Variants in SPOCK1 observed in about 807,000 individuals in gnomAD.
The protein encoded by SPOCK1 is testican-1.
SPOCK1 carries 23 observed loss-of-function variants against 55.3 expected under a neutral mutation model. The ratio of observed to expected loss-of-function variants is 0.42; its 90% CI spans 0.30 to 0.59. The LOEUF (loss-of-function observed/expected upper bound fraction) is 0.59. Among genes scored for constraint, SPOCK1 ranks in the 20% least tolerant of loss-of-function variants. SPOCK1 has a pLI of 0.22. For synonymous variants in SPOCK1, 226 were observed against 221.0 expected (o/e 1.02, Z -0.20); for missense variants, 499 against 552.5 (o/e 0.90, Z 0.97).
At chr5:137,362,739 G>C (rs11738259) in intron 2 of SPOCK1, among the ~76,000 whole-genome samples, 19,423 of 152,220 alleles carry the variant, frequency 0.13, 1,560 homozygotes, top group East Asian at 0.27. Context: ...GATAATACAT[G>C]AAAGAATGAG....
At chr5:137,135,113 G>A (rs1053686470) in intron 4 of SPOCK1, among the ~76,000 whole-genome samples, 4 of 152,186 alleles carry the variant, frequency 2.6e-5, no homozygotes, top group Non-Finnish European at 4.4e-5. Context: ...CAGAGGCTTC[G>A]AAGGGTACAC....
intron 2 of SPOCK1, among the ~76,000 whole-genome samples, chr5:137,386,309 G>C (rs1033474927): frequency 2.0e-5 from 3 of 152,178 alleles, no homozygotes; most frequent in Non-Finnish European, 4.4e-5. Flanking sequence ...ACTTGATCTG[G>C]AGATTTAATG....
At chr5:137,469,621 G>T (rs934290353) in intron 2 of SPOCK1, among the ~76,000 whole-genome samples, 1 of 152,068 alleles carries the variant, frequency 6.6e-6, no homozygotes, top group African/African-American at 2.4e-5. Flanking sequence ...ATATCTAAAG[G>T]GAGTATATTA....
Position 137,070,049 on chromosome 5 carries a change from T to C in SPOCK1, c.475-2220A>G, listed in dbSNP as rs939671664. Among the ~76,000 whole-genome samples, 7 of 152,160 alleles carry C rather than the reference T, an allele frequency of 4.6e-5. 1 individual carries two copies. The highest frequency in any genetic ancestry group is 1.0e-4 in the Non-Finnish European group (7 of 68,028). On this transcript the variant is annotated intron_variant, in intron 5 of 10. Transcript: ENST00000394945. ...GGAGGGTCAACTTTCCCACCAGGTCTAGCCACATGCTCACTCCAACCAGTG... is the reference window on the plus strand; with the variant it reads ...GGAGGGTCAACTTTCCCACCAGGTCCAGCCACATGCTCACTCCAACCAGTG...
intron 2 of SPOCK1, among the ~76,000 whole-genome samples, chr5:137,420,632 C>T (rs1330418329): frequency 1.3e-5 from 2 of 152,178 alleles, no homozygotes; most frequent in African/African-American, 4.8e-5. Context: ...TCTGTGGGAT[C>T]AGTCGTGATA....
intron 5 of SPOCK1, among the ~76,000 whole-genome samples, chr5:137,082,101 C>CT (rs1752885844): frequency 6.6e-6 from 1 of 152,234 alleles, no homozygotes; most frequent in Non-Finnish European, 1.5e-5. Flanking sequence ...GCTCCCACCA[C>CT]TTGCTCCATG....
chr5:137,252,262 C>T (rs930092398), intron 3 of SPOCK1, among the ~76,000 whole-genome samples: 2 of 152,154 alleles, frequency 1.3e-5, no homozygotes, highest in Non-Finnish European at 2.9e-5. Flanking sequence ...CCCATCTCCC[C>T]CCATGCTATC....
At position 136,988,638 on chromosome 5, in the gene SPOCK1, C is replaced by T. The variant is rs761353361; in HGVS notation, c.712G>A (p.Asp238Asn). ...TSSNTAQGRF[D>N]TSILPICKDS... Reference sequence around the variant, plus strand: ...TTGCAGATGGGCAGGATGCTAGTGTCAAACCCTGCCAAACAAAAGGCATAT... The same window carrying T: ...TTGCAGATGGGCAGGATGCTAGTGTTAAACCCTGCCAAACAAAAGGCATAT... The change falls in exon 8 of 11, where the codon GAC becomes AAC. Residue 238 changes from aspartate to asparagine, a missense_variant. By Grantham distance (23) the Asp-to-Asn change is conservative. Around this residue, in one of 3 missense-constraint regions of SPOCK1, gnomAD observed 386 missense variants for 400.6 expected, o/e 0.96. Transcript: ENST00000394945. The T allele has an allele frequency of 1.2e-6, 2 of 1,610,266 alleles. No homozygotes were observed. Among genetic ancestry groups the T allele is most frequent in the South Asian group, 2.2e-5 (2 of 90,686 alleles).
intron 2 of SPOCK1, among the ~76,000 whole-genome samples, chr5:137,403,235 C>T (rs739703): frequency 0.49 from 74,722 of 152,058 alleles, 18,504 homozygotes; most frequent in Middle Eastern, 0.61. Context: ...AGAGCAGTCA[C>T]GCTGCACTGC....
At chr5:137,218,706 G>C (rs947569596) in intron 3 of SPOCK1, among the ~76,000 whole-genome samples, 8 of 152,180 alleles carry the variant, frequency 5.3e-5, no homozygotes, top group Non-Finnish European at 1.0e-4. Context: ...GCAGAAGCAA[G>C]CTGCCAGAAT....
At chr5:137,036,921 C>G (rs188253621) in intron 6 of SPOCK1, among the ~76,000 whole-genome samples, 264 of 152,236 alleles carry the variant, frequency 1.7e-3, no homozygotes, top group African/African-American at 6.1e-3. Flanking sequence ...CATTCACCCC[C>G]CAACCAGAAG....
At chr5:137,040,674 G>A (rs1437021309) in intron 6 of SPOCK1, among the ~76,000 whole-genome samples, 2 of 152,186 alleles carry the variant, frequency 1.3e-5, no homozygotes, top group Non-Finnish European at 2.9e-5. Flanking sequence ...ATTCAACTAT[G>A]AGATCCAGTT....
In SPOCK1 at chr5:137,456,382, C is replaced by T. The variant is rs1753369948; in HGVS notation, c.186+41991G>A. Reference sequence around the variant, plus strand: ...GAGCTGTTTGTACATACTTTTAATACTTATAAATACAATGATTTCTTCTCT... The same window carrying T: ...GAGCTGTTTGTACATACTTTTAATATTTATAAATACAATGATTTCTTCTCT... On this transcript the variant is annotated intron_variant, in intron 2 of 10. Transcript: ENST00000394945. Among the ~76,000 whole-genome samples the T allele has an allele frequency of 2.0e-5, 3 of 152,126 alleles. No homozygotes were observed. In the South Asian group the frequency reaches 6.2e-4, roughly 32 times the overall value.
intron 2 of SPOCK1, among the ~76,000 whole-genome samples, chr5:137,419,709 G>A (rs373150911): frequency 8.1e-4 from 123 of 152,222 alleles, no homozygotes; most frequent in South Asian, 3.7e-3. Flanking sequence ...GGGCTGAGAC[G>A]ATGGGGTTTT....
At chr5:137,277,772 G>A (rs1386418276) in intron 2 of SPOCK1, among the ~76,000 whole-genome samples, 2 of 152,178 alleles carry the variant, frequency 1.3e-5, no homozygotes, top group Non-Finnish European at 2.9e-5. Flanking sequence ...GGACACCCTG[G>A]ATTCCTGATC....
intron 2 of SPOCK1, among the ~76,000 whole-genome samples, chr5:137,479,711 C>A (rs1057382508): frequency 2.0e-5 from 3 of 152,216 alleles, no homozygotes; most frequent in African/African-American, 7.2e-5. Context: ...CAGATCAGAG[C>A]CCCTACCAAT....
intron 3 of SPOCK1, among the ~76,000 whole-genome samples, chr5:137,141,959 C>T (rs982034665): frequency 3.3e-5 from 5 of 152,190 alleles, no homozygotes; most frequent in African/African-American, 1.2e-4. Context: ...AATCAGCGCT[C>T]TGCGTGCTGA....
chr5:137,328,255 C>T (rs761315801), intron 2 of SPOCK1, among the ~76,000 whole-genome samples: 13 of 152,174 alleles, frequency 8.5e-5, no homozygotes, highest in Non-Finnish European at 1.3e-4. Context: ...CTCAAGTTCC[C>T]GGGCCATATG....
chr5:136,992,528 G>A lies in SPOCK1; in HGVS notation c.662C>T (p.Ala221Val), dbSNP rs1210933936. The A allele has an allele frequency of 8.1e-6, 13 of 1,613,640 alleles. No homozygotes were observed. Among genetic ancestry groups the A allele is most frequent in the Admixed American group, 3.3e-5 (2 of 59,968 alleles). Residue 221 changes from alanine (A) to valine (V), a missense_variant, in exon 7 of 11, where the codon GCG (alanine) becomes GTG (valine). This residue lies in a region of SPOCK1 where 386 missense variants were observed against 400.6 expected (regional missense o/e 0.96). Coordinates refer to ENST00000394945, the MANE Select transcript of SPOCK1 (RefSeq NM_004598.4). ...KDWFGALHED[A>V]NRVIKPTSSN... ...GCTGGTGGGCTTGATGACTCTGTTCGCATCCTCGTGGAGAGCTCCAAACCA... is the reference window on the plus strand; with the variant it reads ...GCTGGTGGGCTTGATGACTCTGTTCACATCCTCGTGGAGAGCTCCAAACCA...
Sources: allele counts gnomAD v4.1 joint callset (sites outside exome capture counted in the v4.1 genomes callset), GRCh38; gene constraint gnomAD v4.1.1; regional missense constraint gnomAD v4.1.1; transcripts MANE v1.5; gene names NCBI Gene and HGNC (gene_info 2026-07-23, HGNC 2026-07-21).